Variants in ZFP62 observed in about 807,000 individuals in gnomAD.
ZFP62 encodes the protein ZFP62 zinc finger protein, also known as zinc finger protein 62 homolog.
Under a neutral mutation model 56.4 loss-of-function variants are expected in ZFP62, and 44 were observed. The observed-to-expected ratio is 0.78, with a 90% confidence interval of 0.61 to 1.00. The LOEUF (loss-of-function observed/expected upper bound fraction) is 1.00, where lower values mean the gene tolerates loss of function less well. ZFP62 is among the 50% of genes least tolerant of loss of function. The pLI, the probability that ZFP62 is intolerant of heterozygous loss-of-function variation, is 0.00. For synonymous variants in ZFP62, 421 were observed against 388.9 expected, an observed-to-expected ratio of 1.08 and a Z score of -0.97; for missense variants, 1,030 against 1,085.7, an observed-to-expected ratio of 0.95 and a Z score of 0.72.
At chr5:180,845,326 TAAAAAAAAAAAAAA>T (rs772922940), downstream of ZFP62, among the ~76,000 whole-genome samples, 14 of 32,828 alleles carry the variant, frequency 4.3e-4, no homozygotes, top group South Asian at 7.2e-3. Flanking sequence ...GAGACCGTCT[TAAAAAAAAAAAAAA>T]AAAAAAAAAA....
At chr5:180,859,111 G>C (rs1236908999) in intron 1 of ZFP62, among the ~76,000 whole-genome samples, 1 of 152,132 alleles carries the variant, frequency 6.6e-6, no homozygotes, top group African/African-American at 2.4e-5. Context: ...ACTCGTTAGA[G>C]AGGAGCCGTG....
At chr5:180,847,025 G>A (rs1157573884), downstream of ZFP62, among the ~76,000 whole-genome samples, 1 of 152,142 alleles carries the variant, frequency 6.6e-6, no homozygotes, top group Non-Finnish European at 1.5e-5. Context: ...AAACTTACTG[G>A]TAGGGGTTTG....
chr5:180,859,551 A>G (rs1453239957), intron 1 of ZFP62, among the ~76,000 whole-genome samples: 1 of 152,238 alleles, frequency 6.6e-6, no homozygotes. Context: ...TCCTTAAAGT[A>G]AAAAACTGAA....
rs765451898 is a variant in ZFP62 at position 180,851,411 on chromosome 5, T to C, written c.84A>G (p.Pro28=). The change falls in exon 2 of 2, where the codon CCA becomes CCG. Residue 28 remains proline, a synonymous_variant. Coordinates refer to ENST00000502412, the MANE Select transcript of ZFP62 (RefSeq NM_001172638.2). ...ATTCAGGCATAGGATCCTCCACTTTTGGCCACTTAGATGCTGCATTTCCAA... is the reference window on the plus strand; with the variant it reads ...ATTCAGGCATAGGATCCTCCACTTTCGGCCACTTAGATGCTGCATTTCCAA... ...ENVGNAASKW[P]KVEDPMPESK... is the part of the protein sequence containing the mutation. 3.2e-6 allele frequency: 5 copies of C among 1,551,710 alleles called. No individual in the cohort carries two copies. The South Asian group carries it at 4.8e-5, about 15-fold the overall frequency.
At chr5:180,836,121 G>C in the ZFP62 span, among the ~76,000 whole-genome samples, 1 of 152,254 alleles carries the variant, frequency 6.6e-6, no homozygotes, top group Non-Finnish European at 1.5e-5. Context: ...TAGCTGTGTA[G>C]TAGGCTCTCC....
At position 180,849,558 on chromosome 5, in the gene ZFP62, T is replaced by A. The variant is rs757369931; in HGVS notation, c.1937A>T (p.Glu646Val). 2 of 1,552,042 alleles carry A rather than the reference T, an allele frequency of 1.3e-6. No homozygotes were observed. Among genetic ancestry groups the A allele is most frequent in the Non-Finnish European group, 1.7e-6 (2 of 1,147,078 alleles). ...GAAGACCTTCTCACACCTGTCACAT[T>A]CATAGGGTTTCTCTCTAGTGTGGAC... ...RRVHTREKPY[E>V]CDRCEKVFRN... The change falls in exon 2 of 2, where the codon GAA becomes GTA. Residue 646 changes from glutamate to valine, a missense_variant. By Grantham distance (121) the Glu-to-Val change is moderately radical. Coordinates refer to ENST00000502412, the MANE Select transcript of ZFP62 (RefSeq NM_001172638.2).
At chr5:180,831,750 C>T in the ZFP62 span, 12,176 of 152,842 alleles carry the variant, frequency 0.08, 1,022 homozygotes, top group East Asian at 0.42. Context: ...CCTTCCTCCT[C>T]TCTCTCAGGC....
Position 180,849,448 on chromosome 5 carries a change from T to C in ZFP62, c.2047A>G (p.Ile683Val), listed in dbSNP as rs1205667365. 6.4e-7 allele frequency: 1 copy of C among 1,551,936 alleles called. No homozygotes were observed. Among genetic ancestry groups the C allele is most frequent in the Non-Finnish European group, 8.7e-7 (1 of 1,147,074 alleles). Residue 683 changes from isoleucine to valine, a missense_variant, in exon 2 of 2, where the codon ATC becomes GTC. By Grantham distance (29) the Ile-to-Val change is conservative. Transcript: ENST00000502412. Reference protein sequence around the residue: ...YECDVCGKAYISHSSLINHKS... With the variant: ...YECDVCGKAYVSHSSLINHKS... ...TGGTTAATAAGGCTTGAGTGTGAGA[T>C]GTAGGCTTTTCCACACACATCACAT... is the stretch of plus-strand genomic sequence containing the variant.
chr5:180,855,051 TCC>T (rs1419393071), intron 1 of ZFP62, among the ~76,000 whole-genome samples: 2 of 152,202 alleles, frequency 1.3e-5, no homozygotes, highest in Non-Finnish European at 2.9e-5. Flanking sequence ...TATGAGACTA[TCC>T]CAATCCTTAG....
rs1446669072 is a variant in ZFP62, at chr5:180,851,277, C to A, written c.218G>T (p.Ser73Ile). Residue 73 changes from serine (S) to isoleucine (I), a missense_variant, in exon 2 of 2, where the codon AGC (serine) becomes ATC (isoleucine). Ser to Ile is a moderately radical substitution (Grantham distance 142). Coordinates refer to ENST00000502412, the MANE Select transcript of ZFP62 (RefSeq NM_001172638.2). ...TATATTTGCTGTACTCTTGGCTTTGCTGATTGCTTCCCTGATGCTGCTTTT... is the reference window on the plus strand; with the variant it reads ...TATATTTGCTGTACTCTTGGCTTTGATGATTGCTTCCCTGATGCTGCTTTT... ...EDKSSIREAISKAKSTANIKT... is the reference protein window; with the variant it reads ...EDKSSIREAIIKAKSTANIKT... The A allele has an allele frequency of 1.9e-6, 3 of 1,551,574 alleles. No individual in the cohort carries two copies. In the East Asian group the frequency reaches 7.3e-5, roughly 38 times the overall value.
chr5:180,842,741 G>C (rs1300460849), downstream of ZFP62, among the ~76,000 whole-genome samples: 2 of 152,152 alleles, frequency 1.3e-5, no homozygotes, highest in African/African-American at 4.8e-5. Flanking sequence ...AGGTGGAGAA[G>C]AATGAAAGGA....
the ZFP62 span, among the ~76,000 whole-genome samples, chr5:180,828,635 G>A: frequency 2.0e-5 from 3 of 152,148 alleles, no homozygotes; most frequent in South Asian, 4.1e-4. Context: ...GGATCACTAT[G>A]ATAATTGTGT....
chr5:180,829,794 C>CGGG, the ZFP62 span, among the ~76,000 whole-genome samples: 5 of 152,222 alleles, frequency 3.3e-5, no homozygotes, highest in African/African-American at 1.2e-4. Context: ...CACTGAAAGC[C>CGGG]CCGGCCATAG....
chr5:180,829,681 G>C, the ZFP62 span, among the ~76,000 whole-genome samples: 7 of 152,206 alleles, frequency 4.6e-5, no homozygotes, highest in Non-Finnish European at 1.0e-4. Context: ...AAACTTTGAA[G>C]ACCATTTTAC....
Position 180,851,249 on chromosome 5 carries a change from C to T in ZFP62, c.246G>A (p.Lys82=), listed in dbSNP as rs1561905987. ...CAGATGCCTCACCTTCCTGTTCTGT[C>T]TTTATATTTGCTGTACTCTTGGCTT... ...ISKAKSTANI[K]TEQEGEASEK... is the part of the protein sequence containing the mutation. The change falls in exon 2 of 2, where the codon AAG becomes AAA. Residue 82 remains lysine (K), a synonymous_variant. Transcript: ENST00000502412. The T allele has an allele frequency of 1.3e-6, 2 of 1,551,638 alleles. No individual in the cohort carries two copies. Among genetic ancestry groups the T allele is most frequent in the Admixed American group, 2.0e-5 (1 of 50,986 alleles).
intron 1 of ZFP62, among the ~76,000 whole-genome samples, chr5:180,854,283 G>A (rs1041150305): frequency 1.3e-5 from 2 of 152,220 alleles, no homozygotes; most frequent in African/African-American, 4.8e-5. Context: ...AACATCCAGT[G>A]TTCAAGCACC....
At chr5:180,827,413 C>T in the ZFP62 span, among the ~76,000 whole-genome samples, 1 of 152,172 alleles carries the variant, frequency 6.6e-6, no homozygotes, top group East Asian at 1.9e-4. Flanking sequence ...CCCTGTGCTC[C>T]CTGAAACGTG....
the ZFP62 span, among the ~76,000 whole-genome samples, chr5:180,837,037 A>C: frequency 6.6e-5 from 10 of 152,234 alleles, no homozygotes; most frequent in Non-Finnish European, 1.2e-4. Context: ...GTGTCCACAG[A>C]CATAGCCCTG....
Position 180,849,068 on chromosome 5 carries a change from C to A in ZFP62, c.2427G>T (p.Gly809=), listed in dbSNP as rs763774336. The change falls in exon 2 of 2, where the codon GGG becomes GGT. Residue 809 remains glycine, a synonymous_variant. Transcript: ENST00000502412. ...SLINHKSVHQ[G]KQPYNCECGK... The stretch of plus-strand genomic sequence containing the variant: ...CACACTCACAATTATAGGGCTGCTT[C>A]CCCTGGTGGACACTTTTATGATTGA... 7.1e-6 allele frequency: 11 copies of A among 1,552,434 alleles called. 1 individual carries two copies. In the South Asian group the frequency reaches 1.3e-4, roughly 18 times the overall value.
Sources: allele counts gnomAD v4.1 joint callset (sites outside exome capture counted in the v4.1 genomes callset), GRCh38; gene constraint gnomAD v4.1.1; transcripts MANE v1.5; gene names NCBI Gene and HGNC (gene_info 2026-07-23, HGNC 2026-07-21).